The following ARSG variants were observed in gnomAD, a reference collection of about 807,000 sequenced individuals.
The protein encoded by ARSG is ASG.
In ARSG, 37 loss-of-function variants were observed where a neutral mutation model predicts 50.5. The observed-to-expected ratio is 0.73, with a 90% confidence interval of 0.56 to 0.96. The LOEUF (loss-of-function observed/expected upper bound fraction) is 0.96. ARSG is among the 50% of genes least tolerant of loss of function. The pLI is 0.00. For synonymous variants in ARSG, 225 were observed against 254.6 expected (o/e 0.88, Z 1.11); for missense variants, 629 against 675.3 (o/e 0.93, Z 0.76).
the ARSG span, among the ~76,000 whole-genome samples, chr17:68,451,060 C>T: frequency 6.6e-6 from 1 of 152,232 alleles, no homozygotes; most frequent in African/African-American, 2.4e-5. Flanking sequence ...TCCACCATGC[C>T]CCCCACCCTG....
intron 1 of ARSG, among the ~76,000 whole-genome samples, chr17:68,261,804 A>T (rs2075074545): frequency 6.6e-6 from 1 of 152,174 alleles, no homozygotes; most frequent in Non-Finnish European, 1.5e-5. Flanking sequence ...GTACCAAGCA[A>T]AGGAAACCAC....
At chr17:68,290,786 G>A (rs2075959806), upstream of ARSG, among the ~76,000 whole-genome samples, 1 of 152,238 alleles carries the variant, frequency 6.6e-6, no homozygotes, top group Non-Finnish European at 1.5e-5. Context: ...CCAACCCGGG[G>A]CAGGGGGCAC....
downstream of ARSG, chr17:68,426,170 A>T: frequency 6.2e-7 from 1 of 1,603,148 alleles, no homozygotes; most frequent in Non-Finnish European, 8.5e-7. Context: ...CCGTCCTCAG[A>T]ATAACCTGGA....
At chr17:68,432,958 T>G in the ARSG span, among the ~76,000 whole-genome samples, 1 of 152,328 alleles carries the variant, frequency 6.6e-6, no homozygotes, top group East Asian at 1.9e-4. Context: ...ATTTTATCCA[T>G]TTTTTAGGCT....
At chr17:68,415,946 T>G (rs543880005) in intron 11 of ARSG, among the ~76,000 whole-genome samples, 47 of 152,306 alleles carry the variant, frequency 3.1e-4, no homozygotes, top group African/African-American at 1.1e-3. Context: ...AGCAGATGGT[T>G]GGTTGGTGAT....
intron 1 of ARSG, chr17:68,259,554 T>C (rs1243221225): frequency 6.6e-6 from 1 of 152,246 alleles, no homozygotes; most frequent in Non-Finnish European, 1.5e-5. Flanking sequence ...ACAAGCCACA[T>C]ATGTAAGCTT....
intron 11 of ARSG, among the ~76,000 whole-genome samples, chr17:68,415,424 C>T (rs966042965): frequency 2.6e-5 from 4 of 152,068 alleles, no homozygotes; most frequent in Non-Finnish European, 5.9e-5. Flanking sequence ...TATTGAGGCT[C>T]ATTTTGTGGC....
intron 1 of ARSG, chr17:68,269,206 T>C (rs1555747579): frequency 6.4e-7 from 1 of 1,564,648 alleles, no homozygotes; most frequent in East Asian, 2.3e-5. Context: ...CTCACTACCT[T>C]TGTTTCACCT....
intron 9 of ARSG, among the ~76,000 whole-genome samples, chr17:68,393,845 GCAACAGAACAAGA>G (rs2081107890): frequency 7.4e-6 from 1 of 134,678 alleles, no homozygotes; most frequent in African/African-American, 3.3e-5. Flanking sequence ...TCCAGCCTGG[GCAACAGAACAAGA>G]CTCCATCTCA....
chr17:68,346,976 C>G, intron 3 of ARSG, 149 bp from the exon 4 acceptor site: 1 of 1,535,718 alleles, frequency 6.5e-7, no homozygotes, highest in South Asian at 1.2e-5. Flanking sequence ...AGAGCAAAGC[C>G]TGGCTTGTAC....
intron 11 of ARSG, among the ~76,000 whole-genome samples, chr17:68,402,066 A>G (rs2081496018): frequency 6.6e-6 from 1 of 152,152 alleles, no homozygotes; most frequent in African/African-American, 2.4e-5. Flanking sequence ...CCATATTAAA[A>G]TCCTTTTAAG....
intron 5 of ARSG, among the ~76,000 whole-genome samples, chr17:68,356,338 C>T (rs1445755513): frequency 2.0e-5 from 3 of 152,194 alleles, no homozygotes; most frequent in African/African-American, 7.2e-5. Flanking sequence ...GGTGGTGGGA[C>T]TCTGCTTGAC....
chr17:68,274,059 T>C (rs893938179), intron 1 of ARSG: 4 of 1,612,632 alleles, frequency 2.5e-6, no homozygotes, highest in Admixed American at 1.7e-5. Context: ...CTCAGGACTG[T>C]GGCGAGGGGA....
In ARSG at chr17:68,272,341, A is replaced by C. The variant is rs1264708659; in HGVS notation, c.-552+12915A>C. Among the ~76,000 whole-genome samples the C allele has an allele frequency of 2.0e-5, 3 of 152,354 alleles. No individual in the cohort carries two copies. In the South Asian group the frequency reaches 6.2e-4, roughly 32 times the overall value. The stretch of plus-strand genomic sequence containing the variant: ...TAGCTCTTTTGAAAAACGAGAGGAC[A>C]TAACAGGTGAATAATTGCAAATTAC... On this transcript the variant is annotated intron_variant, in intron 1 of 11. Transcript: ENST00000448504.
At chr17:68,329,346 C>T (rs2077630952) in intron 2 of ARSG, among the ~76,000 whole-genome samples, 1 of 152,196 alleles carries the variant, frequency 6.6e-6, no homozygotes, top group Admixed American at 6.5e-5. Context: ...CCCACCTTTC[C>T]CGTGTCATGT....
chr17:68,262,133 G>C (rs2075080290), intron 1 of ARSG, among the ~76,000 whole-genome samples: 1 of 148,376 alleles, frequency 6.7e-6, no homozygotes, highest in Non-Finnish European at 1.5e-5. Flanking sequence ...TCCAGCGTGG[G>C]TGACAAGAGC....
chr17:68,331,957 G>A lies in ARSG; in HGVS notation c.219-11647G>A, dbSNP rs578151107. Among the ~76,000 whole-genome samples, 7 of 152,254 alleles carry A rather than the reference G, an allele frequency of 4.6e-5. No individual in the cohort carries two copies. In the South Asian group the frequency reaches 1.0e-3, roughly 23 times the overall value. Reference sequence around the variant, plus strand: ...GGCAGGGCGAGATCACAGGACCGAGGCAAAATTAGAATTGCTAATGAAGTT... The same window carrying A: ...GGCAGGGCGAGATCACAGGACCGAGACAAAATTAGAATTGCTAATGAAGTT... On this transcript the variant is annotated intron_variant, in intron 2 of 11. Coordinates refer to ENST00000621439, the MANE Select transcript of ARSG (RefSeq NM_001267727.2).
chr17:68,357,622 C>A (rs2079091797), intron 6 of ARSG, among the ~76,000 whole-genome samples: 1 of 152,152 alleles, frequency 6.6e-6, no homozygotes, highest in African/African-American at 2.4e-5. Context: ...GGGAGCTATC[C>A]TTCATTCTAC....
chr17:68,350,914 C>A (rs2078732637), intron 4 of ARSG, among the ~76,000 whole-genome samples: 1 of 152,046 alleles, frequency 6.6e-6, no homozygotes, highest in African/African-American at 2.4e-5. Context: ...ATGCTCACAC[C>A]CTTCCATCCC....
Sources: allele counts gnomAD v4.1 joint callset (sites outside exome capture counted in the v4.1 genomes callset), GRCh38; gene constraint gnomAD v4.1.1; transcripts MANE v1.5; gene names NCBI Gene and HGNC (gene_info 2026-07-23, HGNC 2026-07-21).